KIF26B: variants seen among roughly 807,000 people sequenced by gnomAD.
KIF26B encodes the protein kinesin-like protein KIF26B.
Under a neutral mutation model 151.2 loss-of-function variants are expected in KIF26B, and 63 were observed. The observed-to-expected ratio is 0.42, with a 90% CI of 0.34 to 0.51. The LOEUF is 0.51. Ranked by LOEUF, KIF26B falls within the 20% of genes least tolerant of loss-of-function variation. The pLI, the probability that KIF26B is intolerant of heterozygous loss-of-function variation, is 0.07. For missense variants in KIF26B, 2,813 were observed against 2,913.6 expected (o/e 0.97, Z 0.79); for synonymous variants, 1,357 against 1,262.1 (o/e 1.08, Z -1.59).
intron 3 of KIF26B, among the ~76,000 whole-genome samples, chr1:245,376,746 G>A (rs970143203): frequency 6.6e-5 from 10 of 152,054 alleles, no homozygotes; most frequent in African/African-American, 9.6e-5. Flanking sequence ...GGAGTGCAGC[G>A]GCACAATCTT....
intron 2 of KIF26B, among the ~76,000 whole-genome samples, chr1:245,200,045 G>A (rs528240880): frequency 5.9e-5 from 9 of 152,320 alleles, no homozygotes; most frequent in African/African-American, 1.7e-4. Context: ...ATCATTGTGC[G>A]ATGGGATTTT....
At position 245,186,669 on chromosome 1, in the gene KIF26B, C is replaced by A. The variant is rs141895249; in HGVS notation, c.465+29986C>A. Among the ~76,000 whole-genome samples the A allele has an allele frequency of 6.1e-3, 924 of 152,248 alleles. 9 individuals are homozygous for A. The highest frequency in any genetic ancestry group is 9.7e-3 in the Non-Finnish European group (661 of 68,018). ...AGTTACGTATCTCTAACTTGGCCTT[C>A]TGTAAAGTGGGACTCTTAGTACTTG... On this transcript the variant is annotated intron_variant, in intron 2 of 14. Coordinates refer to ENST00000407071, the MANE Select transcript of KIF26B (RefSeq NM_018012.4).
intron 3 of KIF26B, among the ~76,000 whole-genome samples, chr1:245,411,452 TC>T (rs1343991720): frequency 6.6e-6 from 1 of 152,162 alleles, no homozygotes; most frequent in East Asian, 1.9e-4. Context: ...TTAGGAGGCA[TC>T]CCAGTGCTTC....
chr1:245,537,342 TGGGGGG>T (rs1661510145), intron 4 of KIF26B, among the ~76,000 whole-genome samples: 1 of 151,942 alleles, frequency 6.6e-6, no homozygotes, highest in East Asian at 1.9e-4. Flanking sequence ...CTGAGGGATA[TGGGGGG>T]AAGGGACAGA....
rs191592498 is a variant in KIF26B, at chr1:245,680,343, C to T, written c.2259-3890C>T. Among the ~76,000 whole-genome samples the T allele has an allele frequency of 2.1e-3, 313 of 152,300 alleles. 3 individuals carry two copies. The highest frequency in any genetic ancestry group is 4.8e-3 in the Admixed American group (74 of 15,300). ...ATGAAGGGCTCACCAGCAGCTCTAC[C>T]GGTTTGCTTTCCACAAGGAGAGCTA... On this transcript the variant is annotated intron_variant, in intron 10 of 14. Coordinates refer to ENST00000407071, the MANE Select transcript of KIF26B (RefSeq NM_018012.4).
intron 12 of KIF26B, among the ~76,000 whole-genome samples, chr1:245,696,034 A>G (rs1266122266): frequency 6.6e-6 from 1 of 152,164 alleles, no homozygotes; most frequent in Non-Finnish European, 1.5e-5. Flanking sequence ...ACATTTTCCC[A>G]TCTGATCATA....
At chr1:245,280,249 C>G (rs1231989218) in intron 2 of KIF26B, among the ~76,000 whole-genome samples, 1 of 151,652 alleles carries the variant, frequency 6.6e-6, no homozygotes, top group African/African-American at 2.4e-5. Flanking sequence ...TGCGGTGGCT[C>G]ACGCCTGTAA....
chr1:245,695,793 T>G, intron 12 of KIF26B, among the ~76,000 whole-genome samples: 1 of 147,436 alleles, frequency 6.8e-6, no homozygotes. Context: ...CTGGCACGGG[T>G]ATTGGCAGGA....
At chr1:245,171,619 T>C (rs1268576234) in intron 2 of KIF26B, among the ~76,000 whole-genome samples, 1 of 152,238 alleles carries the variant, frequency 6.6e-6, no homozygotes, top group South Asian at 2.1e-4. Context: ...TTTTTAACAC[T>C]GTATAAATTG....
At chr1:245,354,618 T>C (rs770646151) in intron 2 of KIF26B, among the ~76,000 whole-genome samples, 20 of 152,200 alleles carry the variant, frequency 1.3e-4, no homozygotes, top group Non-Finnish European at 2.5e-4. Context: ...CCGTGGGGTT[T>C]TCATAGCCAG....
intron 2 of KIF26B, among the ~76,000 whole-genome samples, chr1:245,355,635 A>G (rs538846637): frequency 2.0e-5 from 3 of 151,968 alleles, no homozygotes; most frequent in African/African-American, 7.3e-5. Context: ...GAAAGAATTT[A>G]AAAAACTTAC....
intron 3 of KIF26B, among the ~76,000 whole-genome samples, chr1:245,391,770 A>T (rs571740145): frequency 6.6e-6 from 1 of 152,258 alleles, no homozygotes; most frequent in Admixed American, 6.5e-5. Flanking sequence ...TTATGCCAAC[A>T]TGTGATGGGT....
chr1:245,702,349 C>A lies in KIF26B; in HGVS notation c.6179-109C>A. 7.8e-7 allele frequency: 1 copy of A among 1,276,752 alleles called. No individual in the cohort carries two copies. Among genetic ancestry groups the A allele is most frequent in the Non-Finnish European group, 1.1e-6 (1 of 899,816 alleles). The allele number at this position is 1,276,752 out of a possible 1,614,324, so 79.1% of individuals were successfully genotyped here. A position where few individuals can be genotyped will look rare whatever the true frequency, so the allele number is the denominator to read the frequency against. ...GTGGCCTAAGGCAAGCGAACTAGAC[C>A]TTTAGACCAAGGGGTAGATGTGGGG... On this transcript the variant is annotated intron_variant, in intron 14 of 14. Coordinates refer to ENST00000407071, the MANE Select transcript of KIF26B (RefSeq NM_018012.4). The surrounding 1 kb of genome is among the most constrained non-coding windows in gnomAD (Gnocchi z 4.1).
At chr1:245,450,061 A>G (rs982595056) in intron 4 of KIF26B, among the ~76,000 whole-genome samples, 2 of 152,188 alleles carry the variant, frequency 1.3e-5, no homozygotes, top group African/African-American at 4.8e-5. Flanking sequence ...AAGCACCAGC[A>G]TTGTCGTCTG....
At chr1:245,202,966 C>A (rs1344712029) in intron 2 of KIF26B, among the ~76,000 whole-genome samples, 11 of 126,094 alleles carry the variant, frequency 8.7e-5, no homozygotes, top group Non-Finnish European at 1.9e-4. Context: ...AAAACAAAAA[C>A]AAAAAAGGCC....
rs1020694689 is a variant in KIF26B, at chr1:245,702,072, C to T, written c.6179-386C>T. Among the ~76,000 whole-genome samples, 2 of 151,604 alleles carry T rather than the reference C, an allele frequency of 1.3e-5. No individual in the cohort carries two copies. Among genetic ancestry groups the T allele is most frequent in the African/African-American group, 2.4e-5 (1 of 41,202 alleles). On this transcript the variant is annotated intron_variant, in intron 14 of 14. Coordinates refer to ENST00000407071, the MANE Select transcript of KIF26B (RefSeq NM_018012.4). The surrounding 1 kb of genome is among the most constrained non-coding windows in gnomAD (Gnocchi z 4.1). The stretch of plus-strand genomic sequence containing the variant: ...GGTATAAATGTCACTCAACTGAGAC[C>T]CCCAAAAGGGAGGGACTCTCCCCAC...
At chr1:245,389,060 T>G (rs1240331645) in intron 3 of KIF26B, among the ~76,000 whole-genome samples, 5 of 152,180 alleles carry the variant, frequency 3.3e-5, no homozygotes, top group Non-Finnish European at 5.9e-5. Flanking sequence ...TCCGTTTTGT[T>G]AGCTCTAGTG....
intron 3 of KIF26B, among the ~76,000 whole-genome samples, chr1:245,396,263 G>A (rs554854967): frequency 6.6e-6 from 1 of 152,316 alleles, no homozygotes; most frequent in Non-Finnish European, 1.5e-5. Flanking sequence ...AAGAGGAACA[G>A]TTTTGTTAAG....
At chr1:245,647,440 A>G (rs923809655) in intron 10 of KIF26B, among the ~76,000 whole-genome samples, 4 of 150,896 alleles carry the variant, frequency 2.7e-5, no homozygotes, top group Admixed American at 2.6e-4. Flanking sequence ...AAAAAAAAAA[A>G]AAAGAAAAAA....
Sources: gnomAD v4.1 joint callset for allele counts (sites outside exome capture counted in the v4.1 genomes callset) on GRCh38, gnomAD v4.1.1 for gene constraint, Gnocchi (gnomAD v3.1) non-coding constraint, MANE v1.5 for transcripts, NCBI Gene and HGNC (gene_info 2026-07-23, HGNC 2026-07-21) for gene names.